Variants in GRIK1 observed in about 807,000 individuals in gnomAD.
GRIK1 encodes the protein glutamate receptor ionotropic, kainate 1.
In GRIK1, 69 loss-of-function variants were observed where a neutral mutation model predicts 105.7. That is an observed-to-expected ratio of 0.65 (90% CI 0.54 to 0.80). GRIK1 has a LOEUF of 0.80. Ranked by LOEUF, GRIK1 falls within the 30% of genes least tolerant of loss-of-function variation. GRIK1 has a pLI of 0.00. For synonymous variants in GRIK1, 438 were observed against 431.3 expected (o/e 1.02, Z -0.19); for missense variants, 1,109 against 1,167.3 (o/e 0.95, Z 0.73).
chr21:29,677,565 G>A (rs2063294208), intron 3 of GRIK1, among the ~76,000 whole-genome samples: 1 of 152,002 alleles, frequency 6.6e-6, no homozygotes, highest in Admixed American at 6.6e-5. Flanking sequence ...CAGGCAACAG[G>A]TGGAGCATAT....
intron 3 of GRIK1, among the ~76,000 whole-genome samples, chr21:29,684,180 G>T (rs1249909209): frequency 6.6e-6 from 1 of 152,108 alleles, no homozygotes; most frequent in Non-Finnish European, 1.5e-5. Context: ...AGATATTTTT[G>T]TGTGTGGTTT....
At chr21:29,655,952 T>C (rs1017991960) in intron 4 of GRIK1, among the ~76,000 whole-genome samples, 1 of 152,162 alleles carries the variant, frequency 6.6e-6, no homozygotes, top group African/African-American at 2.4e-5. Context: ...AAGATGCAAA[T>C]GGTTTGGAGA....
At chr21:29,688,599 C>T (rs2063528740) in intron 3 of GRIK1, among the ~76,000 whole-genome samples, 1 of 152,026 alleles carries the variant, frequency 6.6e-6, no homozygotes, top group Admixed American at 6.6e-5. Flanking sequence ...GTCAGGTTTA[C>T]GACAGGTAGC....
chr21:29,619,699 A>G (rs2061942946), intron 7 of GRIK1, among the ~76,000 whole-genome samples: 1 of 152,204 alleles, frequency 6.6e-6, no homozygotes, highest in African/African-American at 2.4e-5. Context: ...CAATGATCAT[A>G]CTGTACCACT....
At chr21:29,627,023 T>C (rs2146458914) in intron 7 of GRIK1, among the ~76,000 whole-genome samples, 1 of 152,304 alleles carries the variant, frequency 6.6e-6, no homozygotes, top group Middle Eastern at 3.4e-3. Flanking sequence ...GATGAAAATA[T>C]TTTAAGACAG....
chr21:29,689,943 G>A lies in GRIK1; in HGVS notation c.329C>T (p.Pro110Leu). 6.2e-7 allele frequency: 1 copy of A among 1,613,678 alleles called. No homozygotes were observed. Among genetic ancestry groups the A allele is most frequent in the Non-Finnish European group, 8.5e-7 (1 of 1,179,700 alleles). The stretch of plus-strand genomic sequence containing the variant: ...AGCACTGACGGAGGAGCTATGGGAA[G>A]GGCCAAAGAGAGCAGCCACACCAAG... ...LALGVAALFG[P>L]SHSSSVSAVQ... Residue 110 changes from proline to leucine, a missense_variant, in exon 3 of 18, where the codon CCT (proline) becomes CTT (leucine). Transcript: ENST00000327783.
At chr21:29,927,613 C>T (rs1000188057) in intron 1 of GRIK1, among the ~76,000 whole-genome samples, 98 of 151,404 alleles carry the variant, frequency 6.5e-4, no homozygotes, top group African/African-American at 2.3e-3. Flanking sequence ...TGGCTCACAC[C>T]TGTAATCCCA....
chr21:29,819,716 A>T (rs1442637353), intron 1 of GRIK1, among the ~76,000 whole-genome samples: 2 of 152,036 alleles, frequency 1.3e-5, no homozygotes, highest in Non-Finnish European at 2.9e-5. Context: ...GTGAGGACAG[A>T]GGTTCGAAAG....
chr21:29,774,231 A>T (rs1183903509), intron 1 of GRIK1, among the ~76,000 whole-genome samples: 1 of 152,162 alleles, frequency 6.6e-6, no homozygotes, highest in Admixed American at 6.5e-5. Context: ...TGGCTTACAA[A>T]CCAGCAACCT....
rs142670348 is a variant in GRIK1, at chr21:29,597,969, C to T, written c.1206+861G>A. Among the ~76,000 whole-genome samples, 14 of 152,300 alleles carry T rather than the reference C, an allele frequency of 9.2e-5. No homozygotes were observed. The East Asian group carries it at 2.7e-3, about 29-fold the overall frequency. On this transcript the variant is annotated intron_variant, in intron 8 of 17. Coordinates refer to ENST00000327783, the MANE Select transcript of GRIK1 (RefSeq NM_001330994.2). ...AAGCAATCGATTGTTCCCAAAGCCA[C>T]TCTTACATTAAGCACACTGTCTTAT... is the stretch of plus-strand genomic sequence containing the variant.
intron 1 of GRIK1, among the ~76,000 whole-genome samples, chr21:29,768,012 A>G (rs1270709242): frequency 6.6e-6 from 1 of 152,108 alleles, no homozygotes; most frequent in East Asian, 1.9e-4. Context: ...AAGCGCTGGC[A>G]ATGGGGTCCC....
At chr21:29,581,101 T>C (rs1031437619) in intron 13 of GRIK1, among the ~76,000 whole-genome samples, 2 of 152,016 alleles carry the variant, frequency 1.3e-5, no homozygotes, top group Admixed American at 6.6e-5. Context: ...ACTCGTGGAG[T>C]TATGGCTGAG....
At chr21:29,826,077 C>T (rs1281927077) in intron 1 of GRIK1, among the ~76,000 whole-genome samples, 1 of 152,092 alleles carries the variant, frequency 6.6e-6, no homozygotes, top group Non-Finnish European at 1.5e-5. Context: ...AGAGCTTGGG[C>T]TTTCTTCCTG....
chr21:29,763,883 C>T (rs137973602), intron 1 of GRIK1: 7 of 152,354 alleles, frequency 4.6e-5, no homozygotes, highest in African/African-American at 1.7e-4. Context: ...GGCATACTCT[C>T]TCAGTGTGGA....
Position 29,689,882 on chromosome 21 carries a change from G to A in GRIK1, c.390C>T (p.His130=), listed in dbSNP as rs2063554155. ...AGGGGTGTTTCCAGCGGGTCTGTATGTGTGGAACTTCGAGAGCATTGCAAA... is the reference window on the plus strand; with the variant it reads ...AGGGGTGTTTCCAGCGGGTCTGTATATGTGGAACTTCGAGAGCATTGCAAA... ...QSICNALEVP[H]IQTRWKHPSV... The change falls in exon 3 of 18, where the codon CAC becomes CAT. Residue 130 remains histidine (H), a synonymous_variant. Coordinates refer to ENST00000327783, the MANE Select transcript of GRIK1 (RefSeq NM_001330994.2). The A allele has an allele frequency of 4.3e-6, 7 of 1,613,796 alleles. No individual in the cohort carries two copies. The highest frequency in any genetic ancestry group is 5.9e-6 in the Non-Finnish European group (7 of 1,179,888).
At chr21:29,921,176 T>G (rs1255116684) in intron 1 of GRIK1, among the ~76,000 whole-genome samples, 4 of 150,322 alleles carry the variant, frequency 2.7e-5, no homozygotes, top group Non-Finnish European at 5.9e-5. Context: ...CAAACAGAAA[T>G]GTCCTCAGAC....
At position 29,587,964 on chromosome 21, in the gene GRIK1, C is replaced by CTTTTT. The variant is rs568648777; in HGVS notation, c.1570-380_1570-376dup. Reference sequence around the variant, plus strand: ...GCTCTGAGCTGAAAACTTTAAAATTCTTTTTTTTTTTTTTTTTTTTTTTTT... The same window carrying CTTTTT: ...GCTCTGAGCTGAAAACTTTAAAATTCTTTTTTTTTTTTTTTTTTTTTTTTTTTTTT... On this transcript the variant is annotated intron_variant, in intron 11 of 17. Transcript: ENST00000327783. Among the ~76,000 whole-genome samples the CTTTTT allele has an allele frequency of 1.8e-3, 120 of 65,410 alleles. 26 individuals carry two copies. Among genetic ancestry groups the CTTTTT allele is most frequent in the African/African-American group, 6.8e-3 (104 of 15,204 alleles). The allele number at this position is 65,410 out of a possible 152,430, so 42.9% of individuals were successfully genotyped here. A position where few individuals can be genotyped will look rare whatever the true frequency, so the allele number is the denominator to read the frequency against.
intron 1 of GRIK1, among the ~76,000 whole-genome samples, chr21:29,699,329 G>A (rs375303375): frequency 5.3e-5 from 8 of 152,138 alleles, no homozygotes; most frequent in African/African-American, 7.2e-5. Context: ...GCAATGAGGC[G>A]GCTAGGGTAG....
chr21:29,552,634 A>G (rs551592962), intron 16 of GRIK1, among the ~76,000 whole-genome samples: 2 of 152,204 alleles, frequency 1.3e-5, no homozygotes, highest in South Asian at 4.1e-4. Context: ...GGTAAGTGGG[A>G]AGGAAGTGAA....
Sources: allele counts gnomAD v4.1 joint callset (sites outside exome capture counted in the v4.1 genomes callset), GRCh38; gene constraint gnomAD v4.1.1; transcripts MANE v1.5; gene names NCBI Gene and HGNC (gene_info 2026-07-23, HGNC 2026-07-21).